MLIP: variants seen among roughly 807,000 people sequenced by gnomAD.
MLIP encodes muscular LMNA-interacting protein.
Under a neutral mutation model 84.8 loss-of-function variants are expected in MLIP, and 79 were observed. That is an observed-to-expected ratio of 0.93 (90% CI 0.78 to 1.12). The LOEUF (loss-of-function observed/expected upper bound fraction) is 1.12, where lower values mean the gene tolerates loss of function less well. MLIP is among the 50% of genes most tolerant of loss of function. The probability of loss-of-function intolerance (pLI) is 0.00; values close to 1 mark genes in which losing one functional copy is unlikely to be tolerated. For missense variants in MLIP, 1,257 were observed against 1,160.6 expected, an observed-to-expected ratio of 1.08 and a Z score of -1.21; for synonymous variants, 504 against 463.0, an observed-to-expected ratio of 1.09 and a Z score of -1.14.
chr6:54,266,110 T>A lies in MLIP; in HGVS notation c.*155T>A. The stretch of plus-strand genomic sequence containing the variant: ...AACCAAAAAAAAAGTTTGCTGCAAT[T>A]ATATAGCATCACAGTGCTCTGCTAA... On this transcript the variant is annotated 3_prime_UTR_variant, in exon 14 of 14. Transcript: ENST00000502396. The A allele has an allele frequency of 1.5e-6, 1 of 685,834 alleles. No homozygotes were observed. Among genetic ancestry groups the A allele is most frequent in the Non-Finnish European group, 2.5e-6 (1 of 392,624 alleles). 42.5% of individuals were successfully genotyped at this position (685,834 alleles called of 1,614,324 possible).
Position 54,160,723 on chromosome 6 carries a change from C to A in MLIP, c.2440-17C>A. On this transcript the variant is annotated splice_polypyrimidine_tract_variant and intron_variant, in intron 7 of 13. Coordinates refer to ENST00000502396, the MANE Select transcript of MLIP (RefSeq NM_001281747.2). ...TTCCTTTTCTCTTCTTCTTTCCTTCCTTTCTTTTTTTTTCAGCATTCTTCT... is the reference window on the plus strand; with the variant it reads ...TTCCTTTTCTCTTCTTCTTTCCTTCATTTCTTTTTTTTTCAGCATTCTTCT... 6.4e-7 allele frequency: 1 copy of A among 1,553,418 alleles called. No homozygotes were observed. The highest frequency in any genetic ancestry group is 8.9e-7 in the Non-Finnish European group (1 of 1,126,288).
At chr6:54,134,239 T>C (rs1267648979) in intron 3 of MLIP, among the ~76,000 whole-genome samples, 1 of 152,160 alleles carries the variant, frequency 6.6e-6, no homozygotes. Flanking sequence ...TCTTTCTGCA[T>C]ACATATTTTC....
intron 1 of MLIP, chr6:54,063,178 G>T (rs939749564): frequency 1.3e-5 from 2 of 150,030 alleles, no homozygotes; most frequent in Admixed American, 6.7e-5. Context: ...TTCCAGCCTG[G>T]ACAACAAGAA....
At chr6:54,205,739 T>C (rs942884091) in intron 11 of MLIP, among the ~76,000 whole-genome samples, 1 of 152,192 alleles carries the variant, frequency 6.6e-6, no homozygotes, top group Non-Finnish European at 1.5e-5. Flanking sequence ...CAAAGTGGCA[T>C]AGGCCAGGAA....
At chr6:54,055,033 G>C (rs1392286149) in intron 1 of MLIP, among the ~76,000 whole-genome samples, 1 of 151,898 alleles carries the variant, frequency 6.6e-6, no homozygotes, top group Non-Finnish European at 1.5e-5. Flanking sequence ...GACTACAGGC[G>C]CCCGCCACCA....
chr6:54,073,423 A>T (rs1006658934), intron 1 of MLIP, among the ~76,000 whole-genome samples: 1 of 152,198 alleles, frequency 6.6e-6, no homozygotes. Flanking sequence ...ACAACAAAGT[A>T]TTTTGCAAAT....
chr6:54,099,902 A>G (rs1459834900), intron 1 of MLIP, among the ~76,000 whole-genome samples: 1 of 152,148 alleles, frequency 6.6e-6, no homozygotes, highest in African/African-American at 2.4e-5. Flanking sequence ...GCAAGAAAAA[A>G]TGATAAAAGT....
chr6:54,152,039 T>G (rs1773504272), intron 5 of MLIP, among the ~76,000 whole-genome samples: 1 of 152,170 alleles, frequency 6.6e-6, no homozygotes, highest in Non-Finnish European at 1.5e-5. Context: ...TTCCATATTC[T>G]ATCATTTTTC....
At position 54,210,798 on chromosome 6, in the gene MLIP, C is replaced by A. The variant is rs566759808; in HGVS notation, c.2718+8565C>A. Among the ~76,000 whole-genome samples the A allele has an allele frequency of 4.0e-5, 6 of 151,006 alleles. No homozygotes were observed. In the South Asian group the frequency reaches 1.3e-3, roughly 32 times the overall value. On this transcript the variant is annotated intron_variant, in intron 11 of 13. Coordinates refer to ENST00000502396, the MANE Select transcript of MLIP (RefSeq NM_001281747.2). The stretch of plus-strand genomic sequence containing the variant: ...CTAAGTGGAATTTAATTTATTGTAG[C>A]TCAGGCATCCAAATATCAATTTTCC...
At chr6:54,178,158 A>G (rs1236303578) in intron 9 of MLIP, among the ~76,000 whole-genome samples, 1 of 152,146 alleles carries the variant, frequency 6.6e-6, no homozygotes, top group African/African-American at 2.4e-5. Flanking sequence ...ACACATTTAC[A>G]TGGGGAACTA....
chr6:54,157,490 C>A (rs947032898), intron 5 of MLIP, among the ~76,000 whole-genome samples: 1 of 152,032 alleles, frequency 6.6e-6, no homozygotes, highest in African/African-American at 2.4e-5. Flanking sequence ...TTGGTGGAAC[C>A]AGGGGTGCAT....
chr6:54,034,431 G>A (rs1471780501), intron 1 of MLIP, among the ~76,000 whole-genome samples: 1 of 152,186 alleles, frequency 6.6e-6, no homozygotes, highest in Non-Finnish European at 1.5e-5. Context: ...GGTCATATAA[G>A]ATTATAATGG....
chr6:54,117,832 G>A (rs28791933), intron 1 of MLIP, among the ~76,000 whole-genome samples: 83,278 of 151,458 alleles, frequency 0.55, 24,793 homozygotes, highest in South Asian at 0.71. Context: ...TGTAGTCCCA[G>A]CTACTCGGAA....
At chr6:54,235,029 CA>C (rs1781269760) in intron 12 of MLIP, among the ~76,000 whole-genome samples, 1 of 152,114 alleles carries the variant, frequency 6.6e-6, no homozygotes, top group Non-Finnish European at 1.5e-5. Context: ...ACCTCAAACT[CA>C]TCATTCATTT....
Position 54,124,852 on chromosome 6 carries a change from A to G in MLIP, c.632A>G (p.Gln211Arg). ...ATGCTTCATGGGATGGCCCCTCAGC[A>G]AAAGCATGGGCAGGTAGGTTTTGTG... ...PEMLHGMAPQ[Q>R]KHGQLTSSPT... The change falls in exon 3 of 14, where the codon CAA (glutamine) becomes CGA (arginine). Residue 211 changes from glutamine to arginine, a missense_variant. Physicochemically the swap from Gln to Arg is conservative, Grantham distance 43. Transcript: ENST00000502396. The G allele has an allele frequency of 6.3e-7, 1 of 1,591,718 alleles. No individual in the cohort carries two copies. Among genetic ancestry groups the G allele is most frequent in the Non-Finnish European group, 8.6e-7 (1 of 1,168,758 alleles).
At chr6:54,073,884 T>A (rs546316829) in intron 1 of MLIP, among the ~76,000 whole-genome samples, 1 of 152,216 alleles carries the variant, frequency 6.6e-6, no homozygotes, top group Non-Finnish European at 1.5e-5. Context: ...TCACTTATTA[T>A]ATTTAATTAC....
chr6:54,116,082 A>C (rs1303285717), intron 1 of MLIP, among the ~76,000 whole-genome samples: 1 of 152,184 alleles, frequency 6.6e-6, no homozygotes, highest in Non-Finnish European at 1.5e-5. Flanking sequence ...TGGAGGGATG[A>C]TACAGAGCCT....
intron 1 of MLIP, among the ~76,000 whole-genome samples, chr6:54,033,267 A>T (rs956620265): frequency 1.6e-4 from 22 of 141,074 alleles, no homozygotes; most frequent in Middle Eastern, 3.6e-3. Context: ...GGAGGAACTA[A>T]TTTTTTTTTT....
chr6:54,092,510 C>T (rs1438311219), intron 1 of MLIP, among the ~76,000 whole-genome samples: 3 of 151,912 alleles, frequency 2.0e-5, no homozygotes, highest in African/African-American at 7.3e-5. Context: ...GCGAGTTTTG[C>T]AGAACATACT....
Sources: gnomAD v4.1 joint callset for allele counts (sites outside exome capture counted in the v4.1 genomes callset) on GRCh38, gnomAD v4.1.1 for gene constraint, MANE v1.5 for transcripts, NCBI Gene and HGNC (gene_info 2026-07-23, HGNC 2026-07-21) for gene names.